The following BMPR1B variants were observed in gnomAD, a reference collection of about 807,000 sequenced individuals.
The protein encoded by BMPR1B is bone morphogenetic protein receptor type-1B.
BMPR1B carries 12 observed loss-of-function variants against 59.1 expected under a neutral mutation model. That is an observed-to-expected ratio of 0.20 (90% CI 0.13 to 0.33). The LOEUF is 0.33. BMPR1B is among the 10% of genes least tolerant of loss of function. The pLI is 1.00. For missense variants in BMPR1B, 550 were observed against 610.9 expected (o/e 0.90, Z 1.05); for synonymous variants, 237 against 207.3 (o/e 1.14, Z -1.23).
intron 3 of BMPR1B, among the ~76,000 whole-genome samples, chr4:95,096,897 ATAT>A (rs1730444599): frequency 7.0e-6 from 1 of 142,146 alleles, no homozygotes; most frequent in African/African-American, 2.6e-5. Context: ...TTAAACATAT[ATAT>A]TCAATTAAAT....
chr4:95,088,473 G>T (rs927539085), intron 3 of BMPR1B, among the ~76,000 whole-genome samples: 1 of 152,120 alleles, frequency 6.6e-6, no homozygotes, highest in Non-Finnish European at 1.5e-5. Flanking sequence ...AAAGTGCCAT[G>T]TTCTAAGACT....
intron 3 of BMPR1B, among the ~76,000 whole-genome samples, chr4:95,045,554 C>T (rs1725987031): frequency 1.3e-5 from 2 of 152,194 alleles, no homozygotes; most frequent in African/African-American, 2.4e-5. Context: ...ACTGCCTGTT[C>T]TCTTTGCTTA....
intron 3 of BMPR1B, among the ~76,000 whole-genome samples, chr4:95,065,361 A>G (rs948149573): frequency 1.3e-5 from 2 of 152,168 alleles, no homozygotes; most frequent in African/African-American, 4.8e-5. Flanking sequence ...TTCTAAAATT[A>G]TGTCATTTGA....
chr4:95,088,967 T>C (rs1460233290), intron 3 of BMPR1B, among the ~76,000 whole-genome samples: 1 of 152,154 alleles, frequency 6.6e-6, no homozygotes, highest in African/African-American at 2.4e-5. Context: ...ATGAATACAA[T>C]TTGGTAAAAT....
intron 3 of BMPR1B, among the ~76,000 whole-genome samples, chr4:95,102,664 G>C (rs1275280865): frequency 2.0e-5 from 3 of 152,108 alleles, no homozygotes; most frequent in Non-Finnish European, 4.4e-5. Flanking sequence ...AGCAAGCGGT[G>C]CTGCACTCCC....
At chr4:94,885,378 G>C (rs1387351612) in intron 2 of BMPR1B, among the ~76,000 whole-genome samples, 1 of 152,172 alleles carries the variant, frequency 6.6e-6, no homozygotes, top group African/African-American at 2.4e-5. Flanking sequence ...TTGCGGTTTA[G>C]AAAGATTTGA....
chr4:94,768,267 A>T (rs1461515322), intron 1 of BMPR1B, among the ~76,000 whole-genome samples: 4 of 152,094 alleles, frequency 2.6e-5, no homozygotes, highest in Admixed American at 2.6e-4. Flanking sequence ...GATATATTTT[A>T]TATGCTTGGT....
chr4:95,012,021 AAAC>A (rs1373585791), intron 3 of BMPR1B, among the ~76,000 whole-genome samples: 3 of 151,924 alleles, frequency 2.0e-5, no homozygotes, highest in Non-Finnish European at 2.9e-5. Flanking sequence ...TCTGTGTCAA[AAAC>A]AACAACAACA....
intron 1 of BMPR1B, among the ~76,000 whole-genome samples, chr4:94,788,740 T>C (rs1051128712): frequency 2.6e-5 from 4 of 152,318 alleles, no homozygotes; most frequent in Non-Finnish European, 5.9e-5. Context: ...CTTTTAGATC[T>C]GCCTTTCATA....
rs1386616728 is a variant in BMPR1B, at chr4:95,115,764, C to T, written c.326C>T (p.Thr109Ile). ...GAATGTAATAAAGACCTACACCCTA[C>T]ACTGCCTCCATTGAAAAACAGAGGT... Reference protein sequence around the residue: ...RNECNKDLHPTLPPLKNRDFV... With the variant: ...RNECNKDLHPILPPLKNRDFV... The change falls in exon 6 of 13, where the codon ACA becomes ATA. Residue 109 changes from threonine (T) to isoleucine (I), a missense_variant. Around this residue, in one of 6 missense-constraint regions of BMPR1B, gnomAD observed 20 missense variants for 39.9 expected, o/e 0.50. Transcript: ENST00000515059. 1.2e-6 allele frequency: 2 copies of T among 1,612,676 alleles called. No homozygotes were observed. Among genetic ancestry groups the T allele is most frequent in the Non-Finnish European group, 1.7e-6 (2 of 1,179,008 alleles).
chr4:94,975,126 G>T, intron 2 of BMPR1B, among the ~76,000 whole-genome samples: 1 of 152,094 alleles, frequency 6.6e-6, no homozygotes, highest in Admixed American at 6.6e-5. Context: ...TCCTCAGGAT[G>T]TGGGCTTTGG....
intron 3 of BMPR1B, among the ~76,000 whole-genome samples, chr4:95,101,010 T>C (rs1254580073): frequency 4.6e-5 from 7 of 152,258 alleles, no homozygotes; most frequent in African/African-American, 1.7e-4. Context: ...TAGTGGCTCA[T>C]GTGTATGAGA....
intron 1 of BMPR1B, among the ~76,000 whole-genome samples, chr4:94,864,971 A>G (rs954555162): frequency 1.1e-4 from 16 of 152,172 alleles, no homozygotes; most frequent in African/African-American, 3.9e-4. Context: ...CCTGAATGCA[A>G]TGATATATAG....
chr4:95,100,498 G>C (rs1360098437), intron 3 of BMPR1B, among the ~76,000 whole-genome samples: 1 of 151,988 alleles, frequency 6.6e-6, no homozygotes, highest in African/African-American at 2.4e-5. Context: ...TAGGGTGTCT[G>C]TTTGTCTACA....
intron 2 of BMPR1B, among the ~76,000 whole-genome samples, chr4:94,974,451 T>C (rs1730934561): frequency 6.6e-6 from 1 of 152,182 alleles, no homozygotes; most frequent in East Asian, 1.9e-4. Context: ...TCCTCATGTA[T>C]CCCTCATTGC....
chr4:95,052,636 A>T (rs935408628), intron 3 of BMPR1B, among the ~76,000 whole-genome samples: 2 of 152,136 alleles, frequency 1.3e-5, no homozygotes, highest in African/African-American at 2.4e-5. Context: ...AGAGTGTGTA[A>T]TTTTGATTGG....
At chr4:94,955,060 A>G (rs1430297927) in intron 2 of BMPR1B, among the ~76,000 whole-genome samples, 1 of 152,170 alleles carries the variant, frequency 6.6e-6, no homozygotes, top group Non-Finnish European at 1.5e-5. Flanking sequence ...CTTAGAACTT[A>G]TGTTGCTTTA....
At chr4:94,985,595 G>A (rs949287633) in intron 2 of BMPR1B, among the ~76,000 whole-genome samples, 7 of 150,692 alleles carry the variant, frequency 4.6e-5, no homozygotes, top group African/African-American at 1.5e-4. Flanking sequence ...GCCCTAAATT[G>A]GAAGACTTCG....
chr4:95,112,381 T>C (rs1341318202), intron 4 of BMPR1B, among the ~76,000 whole-genome samples: 2 of 152,094 alleles, frequency 1.3e-5, no homozygotes, highest in Non-Finnish European at 2.9e-5. Flanking sequence ...AGCCGTCTCT[T>C]AGAGGTGGGC....
Sources: gnomAD v4.1 joint callset for allele counts (sites outside exome capture counted in the v4.1 genomes callset) on GRCh38, gnomAD v4.1.1 for gene constraint, gnomAD v4.1.1 regional missense constraint, MANE v1.5 for transcripts, NCBI Gene and HGNC (gene_info 2026-07-23, HGNC 2026-07-21) for gene names.